The following POGK variants were observed in gnomAD, a reference collection of about 807,000 sequenced individuals.
POGK encodes pogo transposable element derived with KRAB domain.
POGK carries 16 observed loss-of-function variants against 54.4 expected under a neutral mutation model. That is an observed-to-expected ratio of 0.29 (90% confidence interval 0.20 to 0.45). POGK has a LOEUF of 0.45. POGK is among the 20% of genes least tolerant of loss of function. The pLI is 1.00. For missense variants in POGK, 515 were observed against 795.6 expected (o/e 0.65, Z 4.24); for synonymous variants, 271 against 302.2 (o/e 0.90, Z 1.07).
At chr1:166,844,136 G>A (rs931614639) in intron 2 of POGK, among the ~76,000 whole-genome samples, 13 of 152,200 alleles carry the variant, frequency 8.5e-5, no homozygotes, top group African/African-American at 1.7e-4. Context: ...AAGATCCTCC[G>A]TGGCTCAGTC....
chr1:166,851,692 TGTTC>T (rs1408979596), intron 5 of POGK: 1 of 152,248 alleles, frequency 6.6e-6, no homozygotes, highest in Non-Finnish European at 1.5e-5. Flanking sequence ...TTCATTTACC[TGTTC>T]GTTCTCATCT....
At chr1:166,845,907 G>A (rs187084726) in intron 2 of POGK, among the ~76,000 whole-genome samples, 16 of 152,288 alleles carry the variant, frequency 1.1e-4, no homozygotes, top group African/African-American at 3.8e-4. Flanking sequence ...CCTGGTCCAG[G>A]ATCAAAGTGA....
Position 166,852,687 on chromosome 1 carries a change from C to T in POGK, c.*117C>T, listed in dbSNP as rs1393408030. ...TGCGCAGGGAACATCAGGAAAAGGC[C>T]ACGGGGCTCTGAACAGCCCCGGTCC... On this transcript the variant is annotated 3_prime_UTR_variant, in exon 6 of 6. Coordinates refer to ENST00000367876, the MANE Select transcript of POGK (RefSeq NM_017542.5). 1 of 152,210 alleles carries T rather than the reference C, an allele frequency of 6.6e-6. No homozygotes were observed. Among genetic ancestry groups the T allele is most frequent in the Non-Finnish European group, 1.5e-5 (1 of 68,056 alleles). 9.4% of individuals were successfully genotyped at this position (152,210 alleles called of 1,614,324 possible). A position where few individuals can be genotyped will look rare whatever the true frequency, so the allele number is the denominator to read the frequency against.
chr1:166,840,235 A>C (rs1657434192), intron 1 of POGK: 1 of 152,272 alleles, frequency 6.6e-6, no homozygotes, highest in Admixed American at 6.5e-5. Flanking sequence ...TGTACTGGCC[A>C]AGAGTCAGCG....
In POGK at chr1:166,849,610, G is replaced by A. The variant is rs778369717; in HGVS notation, c.1031G>A (p.Arg344His). 9.3e-6 allele frequency: 15 copies of A among 1,614,282 alleles called. No individual in the cohort carries two copies. Among genetic ancestry groups the A allele is most frequent in the East Asian group, 4.5e-5 (2 of 44,886 alleles). The change falls in exon 5 of 6, where the codon CGC (arginine) becomes CAC (histidine). Residue 344 changes from arginine (R) to histidine (H), a missense_variant. Around this residue, in one of 2 missense-constraint regions of POGK, gnomAD observed 461 missense variants for 743.5 expected, o/e 0.62. Transcript: ENST00000367876. ...DLTEKLVTYQ[R>H]SVLALRRAHD... ...ACTGAGAAACTCGTCACTTACCAGC[G>A]CAGTGTCCTGGCTCTGCGCAGGGCG...
chr1:166,845,513 G>A (rs1023917404), intron 2 of POGK, among the ~76,000 whole-genome samples: 4 of 152,160 alleles, frequency 2.6e-5, no homozygotes, highest in African/African-American at 7.2e-5. Context: ...GGGTCAGGGA[G>A]GAAAGGCCAA....
At chr1:166,841,165 C>T (rs761125905) in intron 2 of POGK, 77 bp downstream of exon 2, 1 of 1,565,286 alleles carries the variant, frequency 6.4e-7, no homozygotes, top group African/African-American at 1.4e-5. Flanking sequence ...GTCTCCTCCT[C>T]AGACAGACGT....
intron 4 of POGK, 122 bp downstream of exon 4, chr1:166,847,714 T>A: frequency 1.4e-6 from 1 of 716,910 alleles, no homozygotes; most frequent in Non-Finnish European, 2.3e-6. Flanking sequence ...AGTTTTGAAA[T>A]CTCCCTCTTT....
In POGK at chr1:166,848,997, C is replaced by T. The variant is rs1238224784; in HGVS notation, c.418C>T (p.Gln140Ter). 6.2e-7 allele frequency: 1 copy of T among 1,614,032 alleles called. No homozygotes were observed. The highest frequency in any genetic ancestry group is 1.7e-5 in the Admixed American group (1 of 60,000). The change falls in exon 5 of 6, where the codon CAG (glutamine) becomes TAG (stop). Residue 140 changes from glutamine (Q) to a stop codon, truncating the protein, a stop_gained. Coordinates refer to ENST00000367876, the MANE Select transcript of POGK (RefSeq NM_017542.5). LOFTEE classifies it high-confidence loss of function. ...GCCAAACCCAATGAATGCTACCTCC[C>T]AGTTTCCTCAGCCTCAGCACTTTGA... Reference protein sequence around the residue: ...DWPNPMNATSQFPQPQHFDSF... With the variant: ...DWPNPMNATS
intron 2 of POGK, among the ~76,000 whole-genome samples, chr1:166,841,359 C>T (rs982816572): frequency 6.6e-6 from 1 of 152,226 alleles, no homozygotes; most frequent in African/African-American, 2.4e-5. Flanking sequence ...ACCCACTTAT[C>T]CTGCACTGCG....
intron 2 of POGK, among the ~76,000 whole-genome samples, chr1:166,844,588 C>G (rs1347563555): frequency 6.6e-6 from 1 of 152,176 alleles, no homozygotes; most frequent in African/African-American, 2.4e-5. Flanking sequence ...TTTAATGATT[C>G]TTTGAAACAG....
At chr1:166,839,868 G>A (rs1283459946) in intron 1 of POGK, 1 of 151,936 alleles carries the variant, frequency 6.6e-6, no homozygotes, top group Non-Finnish European at 1.5e-5. Flanking sequence ...AGGGAAATGG[G>A]GCAAGATGGC....
In POGK at chr1:166,850,437, AGTAGATACTCAGTGCCTTTGC is replaced by A; in HGVS notation, c.*14+15_*14+35del. On this transcript the variant is annotated intron_variant, in intron 5 of 5. Transcript: ENST00000367876. The stretch of plus-strand genomic sequence containing the variant: ...GGAAAGGGAAAGGTAACCACTCAGG[AGTAGATACTCAGTGCCTTTGC>A]TGACATGTCTGTGTTCTACAAACAC... The A allele has an allele frequency of 6.4e-7, 1 of 1,569,698 alleles. No homozygotes were observed. The highest frequency in any genetic ancestry group is 2.2e-5 in the East Asian group (1 of 44,718).
chr1:166,847,421 T>C (rs1312747078), intron 3 of POGK, 73 bp from the exon 4 acceptor site: 2 of 1,181,856 alleles, frequency 1.7e-6, no homozygotes, highest in African/African-American at 3.0e-5. Flanking sequence ...CTTAAGTATT[T>C]TGAAGTACTT....
intron 1 of POGK, 24 bp from the exon 2 acceptor site, chr1:166,840,931 T>C: frequency 6.2e-7 from 1 of 1,613,318 alleles, no homozygotes; most frequent in African/African-American, 1.3e-5. Context: ...ACCTGGTTTT[T>C]CTGAACCTGA....
At chr1:166,840,826 C>T in intron 1 of POGK, 129 bp from the exon 2 acceptor site, 1 of 1,204,584 alleles carries the variant, frequency 8.3e-7, no homozygotes, top group Non-Finnish European at 1.2e-6. Context: ...CTCTTGTTTC[C>T]TTACTTCCCT....
rs1316782846 is a variant in POGK at position 166,846,803 on chromosome 1, C to G, written c.259+65C>G. 8 of 1,588,860 alleles carry G rather than the reference C, an allele frequency of 5.0e-6. No homozygotes were observed. The African/African-American group carries it at 1.1e-4, about 21-fold the overall frequency. On this transcript the variant is annotated intron_variant, in intron 3 of 5. Coordinates refer to ENST00000367876, the MANE Select transcript of POGK (RefSeq NM_017542.5). ...CCCAGAGAATTGTTTCCATGCCTCT[C>G]TTCTCTGGTATATCCAATGTCCCTC...
intron 5 of POGK, 153 bp downstream of exon 5, chr1:166,850,576 A>G: frequency 1.3e-6 from 1 of 785,782 alleles, no homozygotes; most frequent in South Asian, 2.0e-5. Flanking sequence ...GTCACGGACC[A>G]TACTGGTCCA....
chr1:166,848,794 T>G, intron 4 of POGK, 144 bp from the exon 5 acceptor site: 1 of 1,121,440 alleles, frequency 8.9e-7, no homozygotes. Context: ...GGAAAAGGAC[T>G]TAGGCAATGT....
Sources: allele counts gnomAD v4.1 joint callset (sites outside exome capture counted in the v4.1 genomes callset), GRCh38; gene constraint gnomAD v4.1.1; regional missense constraint gnomAD v4.1.1; transcripts MANE v1.5; gene names NCBI Gene and HGNC (gene_info 2026-07-23, HGNC 2026-07-21).